Variants in DPP6 observed in about 807,000 individuals in gnomAD.
The protein encoded by DPP6 is A-type potassium channel modulatory protein DPP6.
DPP6 carries 69 observed loss-of-function variants against 122.6 expected under a neutral mutation model. The observed-to-expected ratio is 0.56, with a 90% CI of 0.46 to 0.69. The LOEUF (loss-of-function observed/expected upper bound fraction) is 0.69. Ranked by LOEUF, DPP6 falls within the 30% of genes least tolerant of loss-of-function variation. DPP6 has a pLI of 0.00. For missense variants in DPP6, 928 were observed against 1,116.9 expected, an observed-to-expected ratio of 0.83 and a Z score of 2.41; for synonymous variants, 418 against 433.1, an observed-to-expected ratio of 0.97 and a Z score of 0.43.
chr7:153,980,466 T>A (rs1410696877), intron 1 of DPP6, among the ~76,000 whole-genome samples: 1 of 152,318 alleles, frequency 6.6e-6, no homozygotes, highest in East Asian at 1.9e-4. Flanking sequence ...GTTAGTGGTC[T>A]ATCTATTTTG....
At chr7:153,852,154 T>C in the DPP6 span, among the ~76,000 whole-genome samples, 1 of 152,234 alleles carries the variant, frequency 6.6e-6, no homozygotes, top group South Asian at 2.1e-4. Context: ...TTAGGCTCGA[T>C]GTCAGCACAG....
the DPP6 span, among the ~76,000 whole-genome samples, chr7:153,852,759 T>A: frequency 6.6e-6 from 1 of 152,230 alleles, no homozygotes; most frequent in Non-Finnish European, 1.5e-5. Context: ...TGAAAGTTAG[T>A]ATTAATCCTC....
chr7:154,873,084 G>A (rs527258384), intron 19 of DPP6, among the ~76,000 whole-genome samples: 2 of 152,362 alleles, frequency 1.3e-5, no homozygotes, highest in East Asian at 3.9e-4. Context: ...CTCACTGGCT[G>A]GCATTTCTGG....
chr7:154,530,732 G>A (rs1563810909), intron 3 of DPP6, among the ~76,000 whole-genome samples: 1 of 152,118 alleles, frequency 6.6e-6, no homozygotes, highest in East Asian at 1.9e-4. Context: ...CAAAGACATG[G>A]AATCAACCCT....
In DPP6 at chr7:154,403,582, G is replaced by A. The variant is rs909253720; in HGVS notation, c.244-42632G>A. On this transcript the variant is annotated intron_variant, in intron 1 of 25. Transcript: ENST00000377770. The surrounding 1 kb of genome is among the most constrained non-coding windows in gnomAD (Gnocchi z 4.1). ...GGGCTGGGAAAGCAAAGAGCACTGG[G>A]CAATCACGCCTTTCTCTGCTGTCTG... Among the ~76,000 whole-genome samples the A allele has an allele frequency of 6.6e-6, 1 of 152,188 alleles. No homozygotes were observed. The highest frequency in any genetic ancestry group is 2.4e-5 in the African/African-American group (1 of 41,458).
chr7:154,808,805 A>T (rs1337466858), intron 16 of DPP6, among the ~76,000 whole-genome samples: 1 of 152,230 alleles, frequency 6.6e-6, no homozygotes, highest in Non-Finnish European at 1.5e-5. Flanking sequence ...AGAATCCACA[A>T]TCCTGTCTCA....
intron 6 of DPP6, among the ~76,000 whole-genome samples, chr7:154,666,198 T>C (rs56408096): frequency 0.65 from 85,346 of 131,584 alleles, 25,335 homozygotes; most frequent in South Asian, 0.74. Context: ...TATATATATA[T>C]ATACACATAT....
chr7:153,950,194 GA>G (rs1563040100), intron 1 of DPP6, among the ~76,000 whole-genome samples: 1 of 152,114 alleles, frequency 6.6e-6, no homozygotes. Context: ...CAAGGGACAG[GA>G]GGCATTTAAG....
At chr7:154,433,254 T>C (rs1031761742) in intron 1 of DPP6, among the ~76,000 whole-genome samples, 13 of 148,534 alleles carry the variant, frequency 8.8e-5, no homozygotes, top group African/African-American at 3.2e-4. Context: ...CAAGCAATTC[T>C]CCTGTCTCAG....
At chr7:154,171,200 G>A (rs1014852789) in intron 1 of DPP6, among the ~76,000 whole-genome samples, 2 of 152,176 alleles carry the variant, frequency 1.3e-5, no homozygotes, top group African/African-American at 2.4e-5. Flanking sequence ...TAAAGGATTG[G>A]GACAGATGAT....
intron 1 of DPP6, among the ~76,000 whole-genome samples, chr7:153,953,896 G>C (rs548464209): frequency 6.6e-6 from 1 of 152,150 alleles, no homozygotes; most frequent in Non-Finnish European, 1.5e-5. Flanking sequence ...GAAATCTGGA[G>C]GGCAGCCTGG....
chr7:153,891,269 G>A (rs112405261), intron 1 of DPP6, among the ~76,000 whole-genome samples: 5,671 of 151,352 alleles, frequency 0.037, 333 homozygotes, highest in African/African-American at 0.13. Context: ...TGATCCACCC[G>A]CCTCGGCCTC....
intron 1 of DPP6, among the ~76,000 whole-genome samples, chr7:154,177,692 TGAAG>T (rs1474856444): frequency 6.6e-6 from 1 of 152,192 alleles, no homozygotes; most frequent in Non-Finnish European, 1.5e-5. Context: ...GGACTGGTCT[TGAAG>T]GAATGAGTCC....
At chr7:154,050,081 G>C (rs1405081533), upstream of DPP6, among the ~76,000 whole-genome samples, 1 of 152,086 alleles carries the variant, frequency 6.6e-6, no homozygotes, top group African/African-American at 2.4e-5. Context: ...TCAGACGCTC[G>C]CTCTTTCCTG....
chr7:154,130,362 A>G (rs571552057), intron 1 of DPP6, among the ~76,000 whole-genome samples: 263 of 152,270 alleles, frequency 1.7e-3, no homozygotes, highest in Admixed American at 2.9e-3. Context: ...TGCCAGCTGT[A>G]AGATCTGGAG....
the DPP6 span, among the ~76,000 whole-genome samples, chr7:153,787,077 A>G: frequency 0.35 from 48,439 of 137,088 alleles, 10,009 homozygotes; most frequent in South Asian, 0.46. Flanking sequence ...TCAGCCTCCC[A>G]AGTAGCTGGG....
chr7:153,975,339 C>T lies in DPP6; in HGVS notation c.51+87605C>T, dbSNP rs534859337. Among the ~76,000 whole-genome samples, 73 of 148,830 alleles carry T rather than the reference C, an allele frequency of 4.9e-4. 1 individual carries two copies. Among genetic ancestry groups the T allele is most frequent in the African/African-American group, 1.8e-3 (72 of 40,092 alleles). On this transcript the variant is annotated intron_variant, in intron 1 of 25. Coordinates refer to the DPP6 transcript ENST00000404039. The stretch of plus-strand genomic sequence containing the variant: ...AGATCGTTAGAAACAGGACCCCCCA[C>T]CCACCCCCACAGAGTACCTGGGAAC...
intron 1 of DPP6, among the ~76,000 whole-genome samples, chr7:154,309,446 TAA>T (rs1806662507): frequency 6.6e-6 from 1 of 152,084 alleles, no homozygotes; most frequent in Non-Finnish European, 1.5e-5. Flanking sequence ...TAGAAATTTT[TAA>T]ACAACAGATT....
intron 6 of DPP6, among the ~76,000 whole-genome samples, chr7:154,650,079 G>A (rs1836771719): frequency 1.3e-5 from 2 of 152,182 alleles, no homozygotes; most frequent in Admixed American, 6.5e-5. Context: ...CAGCATTTGG[G>A]GAGGTCAACG....
Sources: allele counts gnomAD v4.1 joint callset (sites outside exome capture counted in the v4.1 genomes callset), GRCh38; gene constraint gnomAD v4.1.1; non-coding constraint Gnocchi (gnomAD v3.1); transcripts MANE v1.5; gene names NCBI Gene and HGNC (gene_info 2026-07-23, HGNC 2026-07-21).